The following SLC35D4 variants were observed in gnomAD, a reference collection of about 807,000 sequenced individuals.
SLC35D4 encodes UDP-N-acetylglucosamine transporter SLC35D4.
At chr18:23,273,591 C>T in the SLC35D4 span, among the ~76,000 whole-genome samples, 2 of 151,368 alleles carry the variant, frequency 1.3e-5, no homozygotes, top group African/African-American at 4.9e-5. Context: ...AATGCAATCG[C>T]CCTGTTCTGT....
chr18:23,282,218 AC>A, the SLC35D4 span, among the ~76,000 whole-genome samples: 3 of 152,136 alleles, frequency 2.0e-5, no homozygotes, highest in African/African-American at 7.2e-5. Flanking sequence ...GAAATCAATG[AC>A]TCAAATATTC....
the SLC35D4 span, among the ~76,000 whole-genome samples, chr18:23,380,531 C>CCATA: frequency 6.6e-6 from 1 of 152,162 alleles, no homozygotes; most frequent in South Asian, 2.1e-4. Context: ...GCTGGCCCAC[C>CCATA]CATACCCTGT....
chr18:23,343,263 TTTTA>T, the SLC35D4 span, among the ~76,000 whole-genome samples: 1 of 151,958 alleles, frequency 6.6e-6, no homozygotes, highest in Admixed American at 6.6e-5. Context: ...TTATTTTTAT[TTTTA>T]TTTTTTTTGA....
At chr18:23,268,792 G>A in the SLC35D4 span, among the ~76,000 whole-genome samples, 3 of 142,376 alleles carry the variant, frequency 2.1e-5, no homozygotes, top group Admixed American at 1.4e-4. Context: ...CCTGCTGTGC[G>A]TGTGTGTGTG....
At chr18:23,366,847 G>A in the SLC35D4 span, among the ~76,000 whole-genome samples, 1 of 152,214 alleles carries the variant, frequency 6.6e-6, no homozygotes, top group Non-Finnish European at 1.5e-5. Flanking sequence ...AAGCCAATGG[G>A]AAGAGCCACA....
the SLC35D4 span, among the ~76,000 whole-genome samples, chr18:23,368,405 G>C: frequency 6.6e-6 from 1 of 152,202 alleles, no homozygotes; most frequent in Non-Finnish European, 1.5e-5. Context: ...CATGGGTGGG[G>C]GATTCAAGGA....
At chr18:23,338,512 G>A in the SLC35D4 span, among the ~76,000 whole-genome samples, 1 of 152,098 alleles carries the variant, frequency 6.6e-6, no homozygotes, top group African/African-American at 2.4e-5. Flanking sequence ...ATTGTTTACA[G>A]ATGAGAAAAA....
chr18:23,368,458 C>T, the SLC35D4 span, among the ~76,000 whole-genome samples: 2 of 152,142 alleles, frequency 1.3e-5, no homozygotes, highest in African/African-American at 2.4e-5. Flanking sequence ...ATGAGAGAAA[C>T]GTCCTTTAGC....
the SLC35D4 span, among the ~76,000 whole-genome samples, chr18:23,336,591 C>T: frequency 1.3e-5 from 2 of 152,056 alleles, no homozygotes; most frequent in South Asian, 2.1e-4. Flanking sequence ...CAGACCCTTC[C>T]AGAACATATG....
chr18:23,331,875 G>A, the SLC35D4 span, among the ~76,000 whole-genome samples: 3 of 138,624 alleles, frequency 2.2e-5, no homozygotes, highest in Non-Finnish European at 4.6e-5. Context: ...GGATTTTCTT[G>A]AACATGTCTT....
chr18:23,327,160 A>C, the SLC35D4 span, among the ~76,000 whole-genome samples: 23 of 152,286 alleles, frequency 1.5e-4, no homozygotes, highest in Non-Finnish European at 3.2e-4. Flanking sequence ...AGAACAAACA[A>C]ATTCAAAAAC....
the SLC35D4 span, among the ~76,000 whole-genome samples, chr18:23,362,286 G>C: frequency 1.2e-4 from 18 of 152,200 alleles, no homozygotes; most frequent in Non-Finnish European, 2.6e-4. Flanking sequence ...GCATTCACTG[G>C]AGTGGGATAC....
the SLC35D4 span, among the ~76,000 whole-genome samples, chr18:23,326,786 G>C: frequency 3.9e-5 from 6 of 152,266 alleles, no homozygotes; most frequent in East Asian, 1.2e-3. Flanking sequence ...TTCTAAAATT[G>C]ATCACATAAT....
chr18:23,257,602 A>G, the SLC35D4 span: 3 of 445,762 alleles, frequency 6.7e-6, no homozygotes, highest in East Asian at 4.1e-5. Context: ...TGCTGAGAAC[A>G]GAGAGGCCCT....
the SLC35D4 span, among the ~76,000 whole-genome samples, chr18:23,324,266 T>C: frequency 6.6e-6 from 1 of 152,128 alleles, no homozygotes; most frequent in African/African-American, 2.4e-5. Context: ...GCTGGCACCT[T>C]GCTCTTGGCT....
At chr18:23,320,384 G>T in the SLC35D4 span, among the ~76,000 whole-genome samples, 1 of 152,100 alleles carries the variant, frequency 6.6e-6, no homozygotes, top group Admixed American at 6.5e-5. Flanking sequence ...TCTTGCACTG[G>T]ATTGTCTCAT....
At chr18:23,342,201 A>G in the SLC35D4 span, among the ~76,000 whole-genome samples, 1 of 152,206 alleles carries the variant, frequency 6.6e-6, no homozygotes, top group Non-Finnish European at 1.5e-5. Flanking sequence ...CCATTAGCCA[A>G]AAAACTTCCT....
chr18:23,431,651 CAT>C, the SLC35D4 span, among the ~76,000 whole-genome samples: 1 of 151,928 alleles, frequency 6.6e-6, no homozygotes, highest in East Asian at 1.9e-4. Flanking sequence ...GCATAGGAGT[CAT>C]AGTTTTTGCT....
chr18:23,388,776 T>C, the SLC35D4 span, among the ~76,000 whole-genome samples: 1 of 152,294 alleles, frequency 6.6e-6, no homozygotes, highest in Non-Finnish European at 1.5e-5. Flanking sequence ...CTTATGATAG[T>C]GGTTCTCATA....
Sources: gnomAD v4.1 joint callset for allele counts (sites outside exome capture counted in the v4.1 genomes callset) on GRCh38, gnomAD v4.1.1 for gene constraint, MANE v1.5 for transcripts, NCBI Gene and HGNC (gene_info 2026-07-23, HGNC 2026-07-21) for gene names.